TBC1D15: variants seen among roughly 807,000 people sequenced by gnomAD.
TBC1D15 encodes TBC1 domain family member 15, also known as GAP for RAB7.
A neutral mutation model predicts 95.4 loss-of-function variants in TBC1D15; 39 were observed. The ratio of observed to expected loss-of-function variants is 0.41; its 90% CI spans 0.32 to 0.53. TBC1D15 has a LOEUF of 0.53. Among genes scored for constraint, TBC1D15 ranks in the 20% least tolerant of loss-of-function variants. The pLI, the probability that TBC1D15 is intolerant of heterozygous loss-of-function variation, is 0.29. For missense variants in TBC1D15, 733 were observed against 794.3 expected, an observed-to-expected ratio of 0.92 and a Z score of 0.93; for synonymous variants, 258 against 261.3, an observed-to-expected ratio of 0.99 and a Z score of 0.12.
intron 1 of TBC1D15, among the ~76,000 whole-genome samples, chr12:71,869,452 G>A (rs1892200862): frequency 6.6e-6 from 1 of 152,170 alleles, no homozygotes; most frequent in Non-Finnish European, 1.5e-5. Flanking sequence ...GAACCTGGGA[G>A]GCAGAGGTTG....
intron 1 of TBC1D15, among the ~76,000 whole-genome samples, chr12:71,857,350 ACAT>A (rs1487344684): frequency 6.6e-6 from 1 of 152,242 alleles, no homozygotes; most frequent in East Asian, 1.9e-4. Flanking sequence ...GAAATTATTC[ACAT>A]CATAATTGTT....
At chr12:71,844,145 A>G (rs1012133802) in intron 1 of TBC1D15, among the ~76,000 whole-genome samples, 1 of 151,976 alleles carries the variant, frequency 6.6e-6, no homozygotes, top group Non-Finnish European at 1.5e-5. Flanking sequence ...CATCCCCACT[A>G]CCATTGCCTT....
At chr12:71,911,560 G>A (rs1176560755) in intron 11 of TBC1D15, among the ~76,000 whole-genome samples, 2 of 141,910 alleles carry the variant, frequency 1.4e-5, no homozygotes, top group African/African-American at 5.2e-5. Context: ...ACTTATAGGT[G>A]GGAATTGAAC....
chr12:71,899,374 T>G (rs1373735140), intron 10 of TBC1D15, among the ~76,000 whole-genome samples: 1 of 152,178 alleles, frequency 6.6e-6, no homozygotes, highest in Admixed American at 6.5e-5. Flanking sequence ...ATCTATCTCG[T>G]TAGTTTTATA....
At chr12:71,917,847 T>A in intron 13 of TBC1D15, 50 bp downstream of exon 13, 1 of 1,231,350 alleles carries the variant, frequency 8.1e-7, no homozygotes, top group Admixed American at 1.8e-5. Context: ...GAGTAATGCA[T>A]AGAAAAAAAT....
At chr12:71,879,640 A>C (rs1894732575) in intron 3 of TBC1D15, among the ~76,000 whole-genome samples, 2 of 152,188 alleles carry the variant, frequency 1.3e-5, no homozygotes, top group African/African-American at 4.8e-5. Flanking sequence ...ATGGGGCAAA[A>C]AATAGAAATC....
At position 71,884,830 on chromosome 12, in the gene TBC1D15, T is replaced by C. The variant is rs1895910566; in HGVS notation, c.363T>C (p.Asn121=). The C allele has an allele frequency of 1.2e-6, 2 of 1,613,754 alleles. No individual in the cohort carries two copies. Among genetic ancestry groups the C allele is most frequent in the South Asian group, 1.1e-5 (1 of 91,074 alleles). The part of the protein sequence containing the change: ...HTNGDAPSHR[N]GKSKWSFLFS... ...TTTAAGATGCTCCAAGTCATAGAAA[T>C]GGGAAAAGCAAATGGTCATTCCTGT... Residue 121 remains asparagine, a synonymous_variant, in exon 5 of 17, where the codon AAT becomes AAC. Transcript: ENST00000485960.
chr12:71,861,367 C>G, intron 1 of TBC1D15: 1 of 1,156,276 alleles, frequency 8.6e-7, no homozygotes, highest in Non-Finnish European at 1.1e-6. Context: ...CTTTTCATTA[C>G]TGATTCAAAC....
At chr12:71,892,892 T>C (rs1366523064) in intron 5 of TBC1D15, among the ~76,000 whole-genome samples, 4 of 151,746 alleles carry the variant, frequency 2.6e-5, no homozygotes, top group African/African-American at 9.7e-5. Context: ...TATCTTGTAA[T>C]GGTTTTCTAC....
rs1271936364 is a variant in TBC1D15 at position 71,896,749 on chromosome 12, G to A, written c.1057G>A (p.Glu353Lys). 6.2e-7 allele frequency: 1 copy of A among 1,612,374 alleles called. No homozygotes were observed. Among genetic ancestry groups the A allele is most frequent in the Non-Finnish European group, 8.5e-7 (1 of 1,179,230 alleles). The stretch of plus-strand genomic sequence containing the variant: ...TTATTTTCCCTGGGACAGTACCAAG[G>A]AGGAAAGAACCCAATTACAAAAGCA... ...LGYFPWDSTK[E>K]ERTQLQKQKT... Residue 353 changes from glutamate to lysine, a missense_variant, in exon 9 of 17, where the codon GAG becomes AAG. By Grantham distance (56) the Glu-to-Lys change is moderately conservative. Transcript: ENST00000485960.
At chr12:71,883,555 A>G (rs1895634381) in intron 4 of TBC1D15, among the ~76,000 whole-genome samples, 1 of 152,162 alleles carries the variant, frequency 6.6e-6, no homozygotes, top group Non-Finnish European at 1.5e-5. Flanking sequence ...TGTGAGTTCA[A>G]GAGATCTTAT....
intron 14 of TBC1D15, among the ~76,000 whole-genome samples, chr12:71,919,612 A>C (rs1210292757): frequency 6.6e-6 from 1 of 152,212 alleles, no homozygotes; most frequent in Non-Finnish European, 1.5e-5. Flanking sequence ...TTCTCAGATT[A>C]GAAGTAAAAC....
intron 1 of TBC1D15, among the ~76,000 whole-genome samples, chr12:71,863,363 G>A (rs749917830): frequency 6.6e-6 from 1 of 152,014 alleles, no homozygotes; most frequent in African/African-American, 2.4e-5. Context: ...GGGCGACAGA[G>A]TGAGACTCTG....
intron 1 of TBC1D15, among the ~76,000 whole-genome samples, chr12:71,848,993 T>C (rs1322828836): frequency 2.0e-5 from 3 of 152,122 alleles, no homozygotes; most frequent in African/African-American, 7.2e-5. Context: ...AAATAGAATT[T>C]TGGCCTGTTA....
At chr12:71,849,818 T>G in intron 1 of TBC1D15, 1 of 550,818 alleles carries the variant, frequency 1.8e-6, no homozygotes, top group South Asian at 1.5e-5. Context: ...TTTCTAACTC[T>G]AATAGACTTT....
intron 1 of TBC1D15, among the ~76,000 whole-genome samples, chr12:71,864,668 G>T (rs559566160): frequency 1.3e-5 from 2 of 151,890 alleles, no homozygotes; most frequent in African/African-American, 4.8e-5. Context: ...CACCATGCCC[G>T]CCTAATTTTT....
intron 6 of TBC1D15, chr12:71,894,396 C>G: frequency 6.2e-7 from 1 of 1,611,394 alleles, no homozygotes; most frequent in Non-Finnish European, 8.5e-7. Context: ...CGTATGTTTT[C>G]TGATGTATGC....
At chr12:71,849,679 C>G in intron 1 of TBC1D15, 1 of 558,058 alleles carries the variant, frequency 1.8e-6, no homozygotes, top group Non-Finnish European at 3.4e-6. Flanking sequence ...AACTCTATCT[C>G]CTCTGCATGG....
chr12:71,857,526 ATAT>A (rs1889369920), intron 1 of TBC1D15, among the ~76,000 whole-genome samples: 1 of 152,186 alleles, frequency 6.6e-6, no homozygotes, highest in Non-Finnish European at 1.5e-5. Context: ...TCTTCATTAT[ATAT>A]TATTGAAGTT....
Sources: gnomAD v4.1 joint callset for allele counts (sites outside exome capture counted in the v4.1 genomes callset) on GRCh38, gnomAD v4.1.1 for gene constraint, MANE v1.5 for transcripts, NCBI Gene and HGNC (gene_info 2026-07-23, HGNC 2026-07-21) for gene names.